Variants in PRPH observed in about 807,000 individuals in gnomAD.
PRPH encodes peripherin.
In PRPH, 48 loss-of-function variants were observed where a neutral mutation model predicts 52.6. The observed-to-expected ratio is 0.91, with a 90% confidence interval of 0.72 to 1.16. The LOEUF (loss-of-function observed/expected upper bound fraction) is 1.16, where lower values mean the gene tolerates loss of function less well. Ranked by LOEUF, PRPH falls within the 50% of genes most tolerant of loss-of-function variation. PRPH has a pLI of 0.00. For missense variants in PRPH, 579 were observed against 635.7 expected (o/e 0.91, Z 0.96); for synonymous variants, 279 against 283.8 (o/e 0.98, Z 0.17).
In PRPH at chr12:49,297,713, T is replaced by C. The variant is rs1943207295; in HGVS notation, c.1254T>C (p.Asn418=). ...CCGTCCATTCTTTTGCCTCCTTAAATATAAAGACGACTGGTGAGTCTGGCT... is the reference window on the plus strand; with the variant it reads ...CCGTCCATTCTTTTGCCTCCTTAAACATAAAGACGACTGGTGAGTCTGGCT... ...SVPVHSFASL[N]IKTTVPEVEP... Residue 418 remains asparagine, a synonymous_variant, in exon 7 of 9, where the codon AAT becomes AAC. Coordinates refer to ENST00000257860, the MANE Select transcript of PRPH (RefSeq NM_006262.4). This position sits in a 1 kb window ranked among gnomAD's most constrained non-coding sequence, Gnocchi z 4.4. The C allele has an allele frequency of 1.2e-6, 2 of 1,610,234 alleles. No homozygotes were observed. Among genetic ancestry groups the C allele is most frequent in the Non-Finnish European group, 1.7e-6 (2 of 1,177,248 alleles).
In PRPH at chr12:49,296,698, C is replaced by T; in HGVS notation, c.702+171C>T. ...CTCCCACCCTTGCGCCACCTGGCGG[C>T]GGGCAGCGGGGCTGTACCTCCGAAA... On this transcript the variant is annotated intron_variant, in intron 3 of 8. Transcript: ENST00000257860. The surrounding 1 kb of genome is among the most constrained non-coding windows in gnomAD (Gnocchi z 5.1). The T allele has an allele frequency of 8.8e-7, 1 of 1,133,094 alleles. No homozygotes were observed. Among genetic ancestry groups the T allele is most frequent in the Non-Finnish European group, 1.3e-6 (1 of 792,526 alleles). 70.2% of individuals were successfully genotyped at this position (1,133,094 alleles called of 1,614,324 possible).
chr12:49,295,471 C>A lies in PRPH; in HGVS notation c.271C>A (p.Leu91Met). 1 of 1,609,178 alleles carries A rather than the reference C, an allele frequency of 6.2e-7. No individual in the cohort carries two copies. Residue 91 changes from leucine (L) to methionine (M), a missense_variant, in exon 1 of 9, where the codon CTG becomes ATG. Coordinates refer to ENST00000257860, the MANE Select transcript of PRPH (RefSeq NM_006262.4). ...GGCCGAGGCCCTCAACCAGGAGTTC[C>A]TGGCCACGCGCAGCAACGAGAAGCA... ...SMAEALNQEF[L>M]ATRSNEKQEL...
rs767527547 is a variant in PRPH, at chr12:49,295,388, C to T, written c.188C>T (p.Pro63Leu). The T allele has an allele frequency of 1.2e-6, 2 of 1,607,114 alleles. No homozygotes were observed. Among genetic ancestry groups the T allele is most frequent in the Admixed American group, 1.7e-5 (1 of 59,366 alleles). ...SSVRLGSFRS[P>L]RAGAGALLRL... is the part of the protein sequence containing the mutation. ...GTGCGCCTGGGCAGCTTCCGTAGCC[C>T]CCGAGCGGGAGCGGGCGCCCTCCTG... The change falls in exon 1 of 9, where the codon CCC becomes CTC. Residue 63 changes from proline (P) to leucine (L), a missense_variant. Physicochemically the swap from Pro to Leu is moderately conservative, Grantham distance 98 (BLOSUM62 -3). Transcript: ENST00000257860.
intron 1 of PRPH, 160 bp downstream of exon 1, chr12:49,295,905 G>C (rs577624648): frequency 3.4e-5 from 49 of 1,441,500 alleles, no homozygotes; most frequent in Non-Finnish European, 4.3e-5. Context: ...CTGCCCACGG[G>C]CTCCAAGTGC....
chr12:49,296,764 A>T lies in PRPH; in HGVS notation c.703-125A>T. On this transcript the variant is annotated intron_variant, in intron 3 of 8. Coordinates refer to ENST00000257860, the MANE Select transcript of PRPH (RefSeq NM_006262.4). This position sits in a 1 kb window ranked among gnomAD's most constrained non-coding sequence, Gnocchi z 5.1. The stretch of plus-strand genomic sequence containing the variant: ...CGCGCCCGCGGGGGCGCAGGGCTGT[A>T]CGCCCTGCCCTCCCTGGCGCCCACT... 1 of 1,403,460 alleles carries T rather than the reference A, an allele frequency of 7.1e-7. No individual in the cohort carries two copies. The highest frequency in any genetic ancestry group is 9.7e-7 in the Non-Finnish European group (1 of 1,029,782). 86.9% of individuals were successfully genotyped at this position (1,403,460 alleles called of 1,614,324 possible).
rs1337412053 is a variant in PRPH, at chr12:49,297,442, TCGA to T, written c.1083_1085del (p.Glu364del). The T allele has an allele frequency of 6.2e-7, 1 of 1,609,982 alleles. No individual in the cohort carries two copies. The highest frequency in any genetic ancestry group is 2.2e-5 in the East Asian group (1 of 44,772). Reference sequence around the variant, plus strand: ...GGCTACCAGGCGGGCGCTGCGCGGCTCGAGGAGGAGCTGCGACAGCTAAAAGAG... The same window carrying T: ...GGCTACCAGGCGGGCGCTGCGCGGCTGGAGGAGCTGCGACAGCTAAAAGAG... On this transcript the variant is annotated inframe_deletion, in exon 6 of 9. Transcript: ENST00000257860. The surrounding 1 kb of genome is among the most constrained non-coding windows in gnomAD (Gnocchi z 4.4).
chr12:49,298,517 G>A lies in PRPH; in HGVS notation c.*164G>A. On this transcript the variant is annotated 3_prime_UTR_variant, in exon 9 of 9. Coordinates refer to ENST00000257860, the MANE Select transcript of PRPH (RefSeq NM_006262.4). Reference sequence around the variant, plus strand: ...GCCCTACCCGGCCAGCAGTCGCTGGGCCTCTCCCTGCCCTGACACTTGATG... The same window carrying A: ...GCCCTACCCGGCCAGCAGTCGCTGGACCTCTCCCTGCCCTGACACTTGATG... 1 of 688,144 alleles carries A rather than the reference G, an allele frequency of 1.5e-6. No individual in the cohort carries two copies. The highest frequency in any genetic ancestry group is 2.3e-5 in the Admixed American group (1 of 44,038). The allele number at this position is 688,144 out of a possible 1,614,324, so 42.6% of individuals were successfully genotyped here.
chr12:49,295,625 A>G lies in PRPH; in HGVS notation c.425A>G (p.Gln142Arg). ...GGCCAGGAGCCGGCGCGCGCCGACCAGCTGTGCCAGCAGGAGCTGCGCGAG... is the reference window on the plus strand; with the variant it reads ...GGCCAGGAGCCGGCGCGCGCCGACCGGCTGTGCCAGCAGGAGCTGCGCGAG... ...ARGQEPARADQLCQQELRELR... is the reference protein window; with the variant it reads ...ARGQEPARADRLCQQELRELR... Residue 142 changes from glutamine (Q) to arginine (R), a missense_variant, in exon 1 of 9, where the codon CAG becomes CGG. Gln to Arg is a conservative substitution (Grantham distance 43). Transcript: ENST00000257860. 1 of 1,545,030 alleles carries G rather than the reference A, an allele frequency of 6.5e-7. No homozygotes were observed. Among genetic ancestry groups the G allele is most frequent in the South Asian group, 1.2e-5 (1 of 83,988 alleles).
At position 49,295,335 on chromosome 12, in the gene PRPH, G is replaced by T. The variant is rs1426821039; in HGVS notation, c.135G>T (p.Leu45=). Residue 45 remains leucine (L), a synonymous_variant, in exon 1 of 9, where the codon CTG becomes CTT. Coordinates refer to ENST00000257860, the MANE Select transcript of PRPH (RefSeq NM_006262.4). ...GCTCCCGCTTCTCCAGCAGCCGCCT[G>T]CTGGGCTCCGCGTCCCCGAGCTCCT... is the stretch of plus-strand genomic sequence containing the variant. The part of the protein sequence containing the change: ...SSSSRFSSSR[L]LGSASPSSSV... 6.2e-7 allele frequency: 1 copy of T among 1,611,050 alleles called. No individual in the cohort carries two copies. Among genetic ancestry groups the T allele is most frequent in the East Asian group, 2.2e-5 (1 of 44,830 alleles).
rs752458408 is a variant in PRPH at position 49,295,734 on chromosome 12, G to C, written c.534G>C (p.Ala178=). 13 of 1,511,486 alleles carry C rather than the reference G, an allele frequency of 8.6e-6. No homozygotes were observed. In the South Asian group the frequency reaches 1.1e-4, roughly 13 times the overall value. 93.6% of individuals were successfully genotyped at this position (1,511,486 alleles called of 1,614,324 possible). Residue 178 remains alanine, a synonymous_variant, in exon 1 of 9, where the codon GCG becomes GCC. Transcript: ENST00000257860. ...ERDGLAEDLA[A]LKQRLEEETR... Reference sequence around the variant, plus strand: ...ACGGGCTGGCGGAGGACCTGGCGGCGCTCAAGCAGAGGTCAGGGGGCAGGG... The same window carrying C: ...ACGGGCTGGCGGAGGACCTGGCGGCCCTCAAGCAGAGGTCAGGGGGCAGGG...
chr12:49,296,314 G>A lies in PRPH; in HGVS notation c.606+76G>A. On this transcript the variant is annotated intron_variant, in intron 2 of 8. Coordinates refer to ENST00000257860, the MANE Select transcript of PRPH (RefSeq NM_006262.4). The surrounding 1 kb of genome is among the most constrained non-coding windows in gnomAD (Gnocchi z 5.1). ...CTCAGTATCCAGAGGTGGCATCGGT[G>A]GGCGCGGGGAGAAGGGGGTAACCCA... 1 of 1,584,862 alleles carries A rather than the reference G, an allele frequency of 6.3e-7. No homozygotes were observed. Among genetic ancestry groups the A allele is most frequent in the Admixed American group, 1.7e-5 (1 of 57,686 alleles).
At chr12:49,298,235 A>G in intron 8 of PRPH, 53 bp from the exon 9 acceptor site, 1 of 1,607,396 alleles carries the variant, frequency 6.2e-7, no homozygotes, top group Admixed American at 1.7e-5. Flanking sequence ...AAGGAGTAGG[A>G]TGGAGGGTGG....
In PRPH at chr12:49,297,836, G is replaced by C; in HGVS notation, c.1267+110G>C. On this transcript the variant is annotated intron_variant, in intron 7 of 8. Transcript: ENST00000257860. This position sits in a 1 kb window ranked among gnomAD's most constrained non-coding sequence, Gnocchi z 4.4. Reference sequence around the variant, plus strand: ...TCTCCCCACGGAACTTCTGGGTCCTGGCCTGTACCCACCCCTACTCCTCAA... The same window carrying C: ...TCTCCCCACGGAACTTCTGGGTCCTCGCCTGTACCCACCCCTACTCCTCAA... The C allele has an allele frequency of 6.3e-7, 1 of 1,588,348 alleles. No individual in the cohort carries two copies. Among genetic ancestry groups the C allele is most frequent in the South Asian group, 1.1e-5 (1 of 90,502 alleles).
chr12:49,298,508 A>T lies in PRPH; in HGVS notation c.*155A>T, dbSNP rs1226358871. ...TATGGCCAAGCCCTACCCGGCCAGC[A>T]GTCGCTGGGCCTCTCCCTGCCCTGA... On this transcript the variant is annotated 3_prime_UTR_variant, in exon 9 of 9. Transcript: ENST00000257860. 8.0e-6 allele frequency: 6 copies of T among 752,784 alleles called. No individual in the cohort carries two copies. Among genetic ancestry groups the T allele is most frequent in the Non-Finnish European group, 1.3e-5 (6 of 445,590 alleles). 46.6% of individuals were successfully genotyped at this position (752,784 alleles called of 1,614,324 possible). A position where few individuals can be genotyped will look rare whatever the true frequency, so the allele number is the denominator to read the frequency against.
intron 1 of PRPH, 119 bp downstream of exon 1, chr12:49,295,864 T>C (rs1460744342): frequency 2.1e-6 from 3 of 1,437,376 alleles, no homozygotes; most frequent in East Asian, 5.0e-5. Context: ...GTGGCTCCCC[T>C]TACCAACCCA....
In PRPH at chr12:49,296,373, C is replaced by T; in HGVS notation, c.607-59C>T. The T allele has an allele frequency of 6.3e-7, 1 of 1,586,912 alleles. No homozygotes were observed. ...CTGAGGCAGACAGGGAAGGCCTGGT[C>T]CTTCCTTGGTCTGCGCAGCCCCTAA... On this transcript the variant is annotated intron_variant, in intron 2 of 8. Coordinates refer to ENST00000257860, the MANE Select transcript of PRPH (RefSeq NM_006262.4). The surrounding 1 kb of genome is among the most constrained non-coding windows in gnomAD (Gnocchi z 5.1).
Position 49,296,864 on chromosome 12 carries a change from A to G in PRPH, c.703-25A>G, listed in dbSNP as rs1336780437. The G allele has an allele frequency of 1.3e-6, 2 of 1,598,280 alleles. No individual in the cohort carries two copies. Among genetic ancestry groups the G allele is most frequent in the African/African-American group, 2.7e-5 (2 of 74,418 alleles). The stretch of plus-strand genomic sequence containing the variant: ...CCGCGTGGAATTTGCGCCGCTGTCC[A>G]TCCTCTGCCTGCTCCCGGCCGTAGG... On this transcript the variant is annotated intron_variant, in intron 3 of 8. Coordinates refer to ENST00000257860, the MANE Select transcript of PRPH (RefSeq NM_006262.4). This position sits in a 1 kb window ranked among gnomAD's most constrained non-coding sequence, Gnocchi z 5.1.
rs368358090 is a variant in PRPH, at chr12:49,297,153, G to T, written c.876G>T (p.Ala292=). Residue 292 remains alanine, a synonymous_variant, in exon 5 of 9, where the codon GCG becomes GCT. Transcript: ENST00000257860. The surrounding 1 kb of genome is among the most constrained non-coding windows in gnomAD (Gnocchi z 4.4). ...EAEEWYKSKY[A]DLSDAANRNH... is the part of the protein sequence containing the mutation. ...GGGTTACCCCCACTTCTCAGTACGC[G>T]GACCTGTCCGACGCTGCCAACCGGA... 1.2e-6 allele frequency: 2 copies of T among 1,613,892 alleles called. No individual in the cohort carries two copies. The highest frequency in any genetic ancestry group is 1.7e-6 in the Non-Finnish European group (2 of 1,179,992).
chr12:49,298,358 C>G lies in PRPH; in HGVS notation c.*5C>G, dbSNP rs1015731311. 2 of 1,614,076 alleles carry G rather than the reference C, an allele frequency of 1.2e-6. No homozygotes were observed. The highest frequency in any genetic ancestry group is 1.7e-6 in the Non-Finnish European group (2 of 1,180,018). On this transcript the variant is annotated 3_prime_UTR_variant, in exon 9 of 9. Transcript: ENST00000257860. ...TCTTCTGCCCACAGTTACTGAACCC[C>G]TTGGTCCGGAGCCTTGACTCTGCCC...
Sources: gnomAD v4.1 joint callset for allele counts on GRCh38, gnomAD v4.1.1 for gene constraint, Gnocchi (gnomAD v3.1) non-coding constraint, MANE v1.5 for transcripts, NCBI Gene and HGNC (gene_info 2026-07-23, HGNC 2026-07-21) for gene names.